RALGAPA2: variants seen among roughly 807,000 people sequenced by gnomAD.
The protein encoded by RALGAPA2 is ral GTPase-activating protein subunit alpha-2.
Under a neutral mutation model 230.4 loss-of-function variants are expected in RALGAPA2, and 139 were observed. The ratio of observed to expected loss-of-function variants is 0.60; its 90% CI spans 0.53 to 0.69. RALGAPA2 has a LOEUF of 0.69. RALGAPA2 is among the 30% of genes least tolerant of loss of function. The probability of loss-of-function intolerance (pLI) is 0.00; values close to 1 mark genes in which losing one functional copy is unlikely to be tolerated. For synonymous variants in RALGAPA2, 847 were observed against 837.8 expected (o/e 1.01, Z -0.19); for missense variants, 2,163 against 2,276.0 (o/e 0.95, Z 1.01).
chr20:20,468,668 C>T (rs2061472337), intron 37 of RALGAPA2, among the ~76,000 whole-genome samples: 9 of 148,798 alleles, frequency 6.0e-5, no homozygotes, highest in Admixed American at 5.9e-4. Context: ...CTATTCCCGT[C>T]TTTCTTTATC....
chr20:20,649,377 T>A (rs918669158), intron 4 of RALGAPA2, among the ~76,000 whole-genome samples: 1 of 152,138 alleles, frequency 6.6e-6, no homozygotes, highest in African/African-American at 2.4e-5. Flanking sequence ...TATGTTCACA[T>A]CCCAGGCAAT....
chr20:20,558,294 C>T (rs940753272), intron 23 of RALGAPA2, among the ~76,000 whole-genome samples: 3 of 152,162 alleles, frequency 2.0e-5, no homozygotes, highest in Non-Finnish European at 4.4e-5. Context: ...GGAAAAGGCA[C>T]CGCGCCCAGC....
chr20:20,467,788 G>A (rs942141250), intron 37 of RALGAPA2, among the ~76,000 whole-genome samples: 13 of 152,128 alleles, frequency 8.5e-5, no homozygotes, highest in African/African-American at 2.2e-4. Flanking sequence ...ATCAGAGAAC[G>A]CAACCTTGTG....
chr20:20,683,527 C>T lies in RALGAPA2; in HGVS notation c.107-2726G>A, dbSNP rs76514973. 3.7e-3 allele frequency among the ~76,000 whole-genome samples: 558 copies of T among 152,288 alleles called. 3 individuals are homozygous for T. The highest frequency in any genetic ancestry group is 0.013 in the African/African-American group (524 of 41,564). On this transcript the variant is annotated intron_variant, in intron 1 of 39. Transcript: ENST00000202677. ...GATTCTTTCCATTCCCCAAACTTCC[C>T]GAACATATTCTTCACTTGGGGCCCC...
At chr20:20,645,314 G>A (rs776131183) in intron 4 of RALGAPA2, among the ~76,000 whole-genome samples, 14 of 151,648 alleles carry the variant, frequency 9.2e-5, no homozygotes, top group Middle Eastern at 3.2e-3. Context: ...GGGTTTCACC[G>A]TGTTAGCCAG....
chr20:20,642,883 C>T (rs1457293862), intron 5 of RALGAPA2, among the ~76,000 whole-genome samples: 2 of 152,108 alleles, frequency 1.3e-5, no homozygotes, highest in East Asian at 1.9e-4. Flanking sequence ...AAGTGAATTA[C>T]CTTTCATAAA....
intron 27 of RALGAPA2, among the ~76,000 whole-genome samples, chr20:20,529,822 G>T (rs557448390): frequency 8.5e-5 from 13 of 152,160 alleles, no homozygotes; most frequent in Non-Finnish European, 1.8e-4. Context: ...TATGCGATGC[G>T]TGACTCTGTG....
chr20:20,601,290 T>C (rs1205851291), intron 16 of RALGAPA2, among the ~76,000 whole-genome samples: 1 of 152,200 alleles, frequency 6.6e-6, no homozygotes, highest in East Asian at 1.9e-4. Flanking sequence ...TATCCAGTCC[T>C]GAAATTCTCC....
intron 37 of RALGAPA2, among the ~76,000 whole-genome samples, chr20:20,435,347 T>C (rs190649879): frequency 1.3e-5 from 2 of 152,328 alleles, no homozygotes; most frequent in East Asian, 3.9e-4. Context: ...TTCACCACCC[T>C]GGGCAGACAG....
chr20:20,627,113 T>G (rs1253286127), intron 10 of RALGAPA2, among the ~76,000 whole-genome samples: 1 of 152,200 alleles, frequency 6.6e-6, no homozygotes, highest in East Asian at 1.9e-4. Flanking sequence ...GGCAGTATGA[T>G]GTGTGCAGTA....
intron 6 of RALGAPA2, among the ~76,000 whole-genome samples, chr20:20,640,242 G>A (rs996156022): frequency 6.6e-6 from 1 of 152,186 alleles, no homozygotes; most frequent in African/African-American, 2.4e-5. Context: ...AATGACCACC[G>A]TTAATAGTCC....
chr20:20,661,802 C>T lies in RALGAPA2; in HGVS notation c.271-8215G>A, dbSNP rs530018566. Reference sequence around the variant, plus strand: ...ATACAGAAAAGGAGGCTCACATGCACACACACCCACACAAAGCAATATTAA... The same window carrying T: ...ATACAGAAAAGGAGGCTCACATGCATACACACCCACACAAAGCAATATTAA... On this transcript the variant is annotated intron_variant, in intron 3 of 39. Coordinates refer to ENST00000202677, the MANE Select transcript of RALGAPA2 (RefSeq NM_020343.4). Among the ~76,000 whole-genome samples the T allele has an allele frequency of 1.2e-3, 177 of 152,234 alleles. 1 individual carries two copies. The highest frequency in any genetic ancestry group is 4.2e-3 in the African/African-American group (174 of 41,548).
rs1481321241 is a variant in RALGAPA2, at chr20:20,620,611, C to A, written c.1253G>T (p.Cys418Phe). ...VFHQAFLLPS[C>F]EIAVTRKVVQ... ...TACTTTTCTTGTTACAGCTATCTCA[C>A]AGGAAGGCAACAAAAATGCCTGAAA... The change falls in exon 11 of 40, where the codon TGT becomes TTT. Residue 418 changes from cysteine to phenylalanine, a missense_variant. Cys to Phe is a radical substitution (Grantham distance 205, BLOSUM62 -2). Coordinates refer to ENST00000202677, the MANE Select transcript of RALGAPA2 (RefSeq NM_020343.4). The A allele has an allele frequency of 6.2e-7, 1 of 1,608,066 alleles. No homozygotes were observed. Among genetic ancestry groups the A allele is most frequent in the Non-Finnish European group, 8.5e-7 (1 of 1,178,192 alleles).
chr20:20,513,211 C>T lies in RALGAPA2; in HGVS notation c.4158G>A (p.Leu1386=). ...GGCCCCCACTGAGGGGGTAGTGCCC[C>T]AGGTGGTTCACCAGGTGGGCCATCA... ...RMVMAHLVNH[L]GHYPLSGGPA... is the part of the protein sequence containing the mutation. The change falls in exon 32 of 40, where the codon CTG becomes CTA. Residue 1386 remains leucine, a synonymous_variant. Coordinates refer to ENST00000202677, the MANE Select transcript of RALGAPA2 (RefSeq NM_020343.4). 1.3e-6 allele frequency: 2 copies of T among 1,517,558 alleles called. No homozygotes were observed. The highest frequency in any genetic ancestry group is 1.4e-5 in the South Asian group (1 of 73,990). 94.0% of individuals were successfully genotyped at this position (1,517,558 alleles called of 1,614,324 possible).
At position 20,409,827 on chromosome 20, in the gene RALGAPA2, A is replaced by G. The variant is rs574507543; in HGVS notation, c.5617+2200T>C. ...CCACATTTCAGTTCAAATCAAGATT[A>G]TATCTAGTTCATTCCTACTCAGCGT... On this transcript the variant is annotated intron_variant, in intron 38 of 39. Coordinates refer to ENST00000202677, the MANE Select transcript of RALGAPA2 (RefSeq NM_020343.4). Among the ~76,000 whole-genome samples the G allele has an allele frequency of 5.3e-5, 8 of 152,354 alleles. No homozygotes were observed. In the East Asian group the frequency reaches 7.7e-4, roughly 15 times the overall value.
chr20:20,481,460 T>A (rs886794992), intron 36 of RALGAPA2, among the ~76,000 whole-genome samples: 1 of 152,162 alleles, frequency 6.6e-6, no homozygotes, highest in Non-Finnish European at 1.5e-5. Context: ...AAATGAAGAA[T>A]GTGCGTGGCT....
chr20:20,460,774 T>G (rs2061283532), intron 37 of RALGAPA2, among the ~76,000 whole-genome samples: 1 of 152,166 alleles, frequency 6.6e-6, no homozygotes, highest in Non-Finnish European at 1.5e-5. Flanking sequence ...CATATGGGCA[T>G]ACCAGCTCTG....
chr20:20,579,312 C>A (rs1199192214), intron 20 of RALGAPA2, among the ~76,000 whole-genome samples: 1 of 152,200 alleles, frequency 6.6e-6, no homozygotes, highest in Non-Finnish European at 1.5e-5. Context: ...ATGCTTCTCT[C>A]CTGTCCTGCA....
At chr20:20,527,214 T>C (rs1008104914) in intron 27 of RALGAPA2, among the ~76,000 whole-genome samples, 9 of 152,162 alleles carry the variant, frequency 5.9e-5, no homozygotes, top group Non-Finnish European at 1.2e-4. Flanking sequence ...CAGACCATCA[T>C]CAACTTTTAG....
Sources: allele counts gnomAD v4.1 joint callset (sites outside exome capture counted in the v4.1 genomes callset), GRCh38; gene constraint gnomAD v4.1.1; transcripts MANE v1.5; gene names NCBI Gene and HGNC (gene_info 2026-07-23, HGNC 2026-07-21).